SBF1: variants seen among roughly 807,000 people sequenced by gnomAD.
SBF1 encodes the protein SET binding factor 1.
Under a neutral mutation model 215.8 loss-of-function variants are expected in SBF1, and 65 were observed. The ratio of observed to expected loss-of-function variants is 0.30; its 90% CI spans 0.25 to 0.37. SBF1 has a LOEUF of 0.37. SBF1 is among the 10% of genes least tolerant of loss of function. The probability of loss-of-function intolerance (pLI) is 1.00; values close to 1 mark genes in which losing one functional copy is unlikely to be tolerated. For synonymous variants in SBF1, 1,410 were observed against 1,122.8 expected, an observed-to-expected ratio of 1.26 and a Z score of -5.11; for missense variants, 2,634 against 2,667.8, an observed-to-expected ratio of 0.99 and a Z score of 0.28.
intron 30 of SBF1, 29 bp downstream of exon 30, chr22:50,456,463 T>TCACCCCC: frequency 1.9e-6 from 1 of 536,042 alleles, no homozygotes; most frequent in Non-Finnish European, 2.7e-6. Flanking sequence ...GCCCCCACCC[T>TCACCCCC]CACCCCCCAC....
chr22:50,459,300 G>A lies in SBF1; in HGVS notation c.3781C>T (p.Arg1261Cys), dbSNP rs201356044. 104 of 1,611,886 alleles carry A rather than the reference G, an allele frequency of 6.5e-5. No homozygotes were observed. In the Admixed American group the frequency reaches 8.3e-4, roughly 13 times the overall value. ...SMPRYADASG[R>C]NTLSGFSSAH... is the part of the protein sequence containing the mutation. ...GAGGAGAAGCCGCTAAGCGTGTTGC[G>A]TCCCGACGCGTCGGCGTAGCGGGGC... The change falls in exon 28 of 41, where the codon CGC (arginine) becomes TGC (cysteine). Residue 1261 changes from arginine (R) to cysteine (C), a missense_variant. Physicochemically the swap from Arg to Cys is radical, Grantham distance 180 (BLOSUM62 -3). Coordinates refer to ENST00000380817, the MANE Select transcript of SBF1 (RefSeq NM_002972.4).
At chr22:50,473,627 G>A (rs895142624) in intron 1 of SBF1, among the ~76,000 whole-genome samples, 2 of 152,140 alleles carry the variant, frequency 1.3e-5, no homozygotes, top group Non-Finnish European at 2.9e-5. Flanking sequence ...GAAGTGTAGG[G>A]GGGTGTCCAG....
chr22:50,468,040 T>G, intron 2 of SBF1, 117 bp from the exon 3 acceptor site: 6 of 1,318,610 alleles, frequency 4.6e-6, no homozygotes, highest in Non-Finnish European at 6.3e-6. Flanking sequence ...AGGCAGCTCC[T>G]TGCTTGGAGA....
chr22:50,467,399 C>G lies in SBF1; in HGVS notation c.488G>C (p.Cys163Ser), dbSNP rs893277247. ...YAIHVEGLNV[C>S]LENVIGNLLT... is the part of the protein sequence containing the mutation. ...CAGGTTCCCAATCACGTTCTCCAGG[C>G]ACACATTCAGGCCCTCCACGTGGAT... Residue 163 changes from cysteine to serine, a missense_variant, in exon 5 of 41, where the codon TGC (cysteine) becomes TCC (serine). By Grantham distance (112) the Cys-to-Ser change is moderately radical. Coordinates refer to ENST00000380817, the MANE Select transcript of SBF1 (RefSeq NM_002972.4). 1 of 1,614,062 alleles carries G rather than the reference C, an allele frequency of 6.2e-7. No homozygotes were observed. The highest frequency in any genetic ancestry group is 1.3e-5 in the African/African-American group (1 of 74,940).
intron 8 of SBF1, 30 bp downstream of exon 8, chr22:50,466,120 C>T (rs759077473): frequency 1.1e-5 from 17 of 1,612,826 alleles, no homozygotes; most frequent in Non-Finnish European, 1.3e-5. Context: ...AGGCCTGGGC[C>T]GTGAGGTGGA....
intron 36 of SBF1, 21 bp downstream of exon 36, chr22:50,454,491 C>G (rs765922443): frequency 1.9e-6 from 3 of 1,597,576 alleles, no homozygotes; most frequent in East Asian, 2.2e-5. Flanking sequence ...AGGCCAGACC[C>G]TGCTCTGGGA....
In SBF1 at chr22:50,446,776, C is replaced by T. The variant is rs1290037364; in HGVS notation, c.*366G>A. 5.0e-5 allele frequency: 28 copies of T among 561,106 alleles called. No individual in the cohort carries two copies. In the East Asian group the frequency reaches 5.5e-4, roughly 11 times the overall value. The allele number at this position is 561,106 out of a possible 1,614,324, so 34.8% of individuals were successfully genotyped here. A position where few individuals can be genotyped will look rare whatever the true frequency, so the allele number is the denominator to read the frequency against. On this transcript the variant is annotated 3_prime_UTR_variant, in exon 41 of 41. Coordinates refer to ENST00000380817, the MANE Select transcript of SBF1 (RefSeq NM_002972.4). ...TCTGGGTAGGCCGAGAGCAGGCAGC[C>T]GGGGAGTGGGGAAGGCAGGCACAGG...
intron 1 of SBF1, among the ~76,000 whole-genome samples, chr22:50,472,662 A>T (rs1444641859): frequency 6.6e-6 from 1 of 152,148 alleles, no homozygotes; most frequent in Admixed American, 6.5e-5. Context: ...GAGCCAAACA[A>T]CTGGCTCGAA....
At chr22:50,455,621 C>A in intron 31 of SBF1, 39 bp from the exon 32 acceptor site, 1 of 1,515,848 alleles carries the variant, frequency 6.6e-7, no homozygotes, top group South Asian at 1.2e-5. Flanking sequence ...GGGGACCCAC[C>A]GCCCTCCCGC....
intron 36 of SBF1, 55 bp downstream of exon 36, chr22:50,454,457 T>C: frequency 1.4e-6 from 2 of 1,467,480 alleles, no homozygotes; most frequent in Middle Eastern, 1.9e-4. Context: ...GACCCTGGTG[T>C]CTGAGCGAGA....
chr22:50,462,179 G>T (rs77845866), intron 19 of SBF1, 26 bp downstream of exon 19: 3 of 1,606,874 alleles, frequency 1.9e-6, no homozygotes, highest in Non-Finnish European at 2.5e-6. Flanking sequence ...GCCTCCACTG[G>T]GCCCAACCCC....
At chr22:50,463,221 C>T in intron 16 of SBF1, 62 bp downstream of exon 16, 2 of 1,594,552 alleles carry the variant, frequency 1.3e-6, no homozygotes, top group South Asian at 2.3e-5. Context: ...AGACCAGGGT[C>T]TGCCCGCCTG....
At position 50,462,924 on chromosome 22, in the gene SBF1, C is replaced by T. The variant is rs1024523262; in HGVS notation, c.1914G>A (p.Leu638=). The change falls in exon 17 of 41, where the codon CTG becomes CTA. Residue 638 remains leucine, a synonymous_variant. Transcript: ENST00000380817. ...GAGCCGCCGCAATGCCATGCTCGTC[C>T]AGAGAAGTGCAGTCCTGCAGGTAGA... is the stretch of plus-strand genomic sequence containing the variant. ...MNCCLQDCTS[L]DEHGIAAALL... The T allele has an allele frequency of 1.2e-6, 2 of 1,613,008 alleles. No individual in the cohort carries two copies. The highest frequency in any genetic ancestry group is 2.2e-5 in the East Asian group (1 of 44,856).
rs566181734 is a variant in SBF1 at position 50,456,292 on chromosome 22, A to G, written c.4190T>C (p.Val1397Ala). Residue 1397 changes from valine (V) to alanine (A), a missense_variant, in exon 31 of 41, where the codon GTC (valine) becomes GCC (alanine). Transcript: ENST00000380817. ...ASFKKLLKAC[V>A]PGCPAAEPSP... ...GGGCTCAGCAGCGGGGCAGCCTGGG[A>G]CACATGCTTTCAGCAGCTTCTTGAA... 8 of 1,612,970 alleles carry G rather than the reference A, an allele frequency of 5.0e-6. No individual in the cohort carries two copies. The East Asian group carries it at 1.6e-4, about 31-fold the overall frequency.
At chr22:50,449,657 C>CACACA (rs71198249) in intron 36 of SBF1, among the ~76,000 whole-genome samples, 4 of 145,198 alleles carry the variant, frequency 2.8e-5, no homozygotes, top group East Asian at 2.0e-4. Context: ...CACACACACA[C>CACACA]CCCAAAATGG....
chr22:50,459,865 C>A, intron 26 of SBF1, 87 bp downstream of exon 26: 1 of 1,494,262 alleles, frequency 6.7e-7, no homozygotes, highest in Non-Finnish European at 9.3e-7. Flanking sequence ...CCTTACATGA[C>A]CAGAAGCCGT....
At chr22:50,452,021 C>T (rs1286014463) in intron 36 of SBF1, among the ~76,000 whole-genome samples, 1 of 151,916 alleles carries the variant, frequency 6.6e-6, no homozygotes, top group Non-Finnish European at 1.5e-5. Flanking sequence ...GTCTCGAACT[C>T]CTGACCTCAG....
At position 50,445,688 on chromosome 22, in the gene SBF1, G is replaced by A. The variant is rs1196625051; in HGVS notation, c.*1454C>T. The A allele has an allele frequency of 2.0e-5, 3 of 152,290 alleles. No individual in the cohort carries two copies. The highest frequency in any genetic ancestry group is 4.4e-5 in the Non-Finnish European group (3 of 68,078). 9.4% of individuals were successfully genotyped at this position (152,290 alleles called of 1,614,324 possible). On this transcript the variant is annotated 3_prime_UTR_variant, in exon 41 of 41. Coordinates refer to ENST00000380817, the MANE Select transcript of SBF1 (RefSeq NM_002972.4). ...TCCGGCCTGAGGGAAGACCTGGCTG[G>A]TTTCAGTGGCTCAAGTGAGCCCACC... is the stretch of plus-strand genomic sequence containing the variant.
rs775483275 is a variant in SBF1, at chr22:50,460,587, G to T, written c.3093C>A (p.Ala1031=). Residue 1031 remains alanine (A), a synonymous_variant, in exon 24 of 41, where the codon GCC becomes GCA. Transcript: ENST00000380817. ...CTCGCGGTGGCCGGCCAGGTGTGTG[G>T]GCAGAGCCCAAGGTGAACGCAAAGG... The part of the protein sequence containing the change: ...RATFAFTLGS[A]HTPGRPPRVT... 7.4e-6 allele frequency: 12 copies of T among 1,613,986 alleles called. No homozygotes were observed. In the South Asian group the frequency reaches 7.7e-5, roughly 10 times the overall value.
Sources: allele counts gnomAD v4.1 joint callset (sites outside exome capture counted in the v4.1 genomes callset), GRCh38; gene constraint gnomAD v4.1.1; transcripts MANE v1.5; gene names NCBI Gene and HGNC (gene_info 2026-07-23, HGNC 2026-07-21).